LTBR: variants seen among roughly 807,000 people sequenced by gnomAD.
The protein encoded by LTBR is lymphotoxin beta receptor, also known as tumor necrosis factor receptor superfamily member 3.
Under a neutral mutation model 45.4 loss-of-function variants are expected in LTBR, and 15 were observed. That is an observed-to-expected ratio of 0.33 (90% confidence interval 0.22 to 0.51). The LOEUF is 0.51. LTBR is among the 20% of genes least tolerant of loss of function. The probability of loss-of-function intolerance (pLI) is 0.97; values close to 1 mark genes in which losing one functional copy is unlikely to be tolerated. For synonymous variants in LTBR, 228 were observed against 231.0 expected (o/e 0.99, Z 0.12); for missense variants, 450 against 565.5 (o/e 0.80, Z 2.07).
upstream of LTBR, among the ~76,000 whole-genome samples, chr12:6,383,738 G>A (rs879742232): frequency 4.3e-4 from 66 of 152,346 alleles, no homozygotes; most frequent in Non-Finnish European, 7.2e-4. Flanking sequence ...GGAGGAACCC[G>A]GGCATCTGCC....
rs763066533 is a variant in LTBR, at chr12:6,388,498, G to A, written c.768G>A (p.Arg256=). 6 of 1,613,810 alleles carry A rather than the reference G, an allele frequency of 3.7e-6. No individual in the cohort carries two copies. In the Admixed American group the frequency reaches 6.7e-5, roughly 18 times the overall value. ...GGAAGAGCCACCCTTCTCTCTGCAG[G>A]AAACTGGGTAGGAAAGGGTTGGATG... ...CIWKSHPSLC[R]KLGSLLKRRP... Residue 256 remains arginine (R), a synonymous_variant, in exon 7 of 10, where the codon AGG becomes AGA. Transcript: ENST00000228918. This position sits in a 1 kb window ranked among gnomAD's most constrained non-coding sequence, Gnocchi z 4.3.
At chr12:6,376,216 C>G in intron 1 of LTBR, 2 of 982,882 alleles carry the variant, frequency 2.0e-6, no homozygotes, top group Non-Finnish European at 2.4e-6. Flanking sequence ...GCGTCTGCCT[C>G]CTCCTGGTCC....
chr12:6,384,249 C>T lies in LTBR; in HGVS notation c.-110C>T, dbSNP rs1282525338. 1.0e-5 allele frequency: 14 copies of T among 1,404,160 alleles called. No homozygotes were observed. Among genetic ancestry groups the T allele is most frequent in the Non-Finnish European group, 1.3e-5 (14 of 1,084,750 alleles). The allele number at this position is 1,404,160 out of a possible 1,614,324, so 87.0% of individuals were successfully genotyped here. A position where few individuals can be genotyped will look rare whatever the true frequency, so the allele number is the denominator to read the frequency against. On this transcript the variant is annotated 5_prime_UTR_variant, in exon 1 of 10. Transcript: ENST00000228918. ...TGGGGTGCACATCGGCCCTGAGTCC[C>T]GTCCCAGGCTCTGGGCTCGGGCAGC...
At chr12:6,375,661 T>G in intron 1 of LTBR, 1 of 1,471,012 alleles carries the variant, frequency 6.8e-7, no homozygotes, top group Non-Finnish European at 9.0e-7. Context: ...GAAGGAGGGC[T>G]CCCGAGGGCA....
At chr12:6,389,877 T>C in intron 8 of LTBR, 1 of 495,152 alleles carries the variant, frequency 2.0e-6, no homozygotes, top group Non-Finnish European at 3.6e-6. Context: ...ATCACTTGAG[T>C]CCAAGAGTTC....
intron 1 of LTBR, chr12:6,375,890 G>T: frequency 7.9e-7 from 1 of 1,266,052 alleles, no homozygotes; most frequent in Non-Finnish European, 9.9e-7. Context: ...AGGGCAGAAA[G>T]AGGGAGACAA....
upstream of LTBR, among the ~76,000 whole-genome samples, chr12:6,383,222 C>T (rs973107036): frequency 6.6e-6 from 1 of 152,018 alleles, no homozygotes; most frequent in Admixed American, 6.6e-5. Context: ...AAGACGGAAA[C>T]TTGGGGACCA....
chr12:6,384,045 G>T (rs1458630771), upstream of LTBR: 37 of 1,193,222 alleles, frequency 3.1e-5, no homozygotes, highest in Non-Finnish European at 3.8e-5. Flanking sequence ...TTTCCCGGCC[G>T]CCCCTCCCGC....
chr12:6,389,995 G>A, intron 8 of LTBR, 117 bp from the exon 9 acceptor site: 1 of 725,500 alleles, frequency 1.4e-6, no homozygotes, highest in Non-Finnish European at 2.4e-6. Context: ...GAGAGAGAGA[G>A]AGAAAGGAAG....
chr12:6,384,356 GC>G lies in LTBR; in HGVS notation c.-1del. On this transcript the variant is annotated 5_prime_UTR_variant, in exon 1 of 10. Coordinates refer to ENST00000228918, the MANE Select transcript of LTBR (RefSeq NM_002342.3). ...TTGCTGGCCGCCTGGCCGAGTGGCC[GC>G]CATGCTCCTGCCTTGGGCCACCTCT... The G allele has an allele frequency of 6.7e-7, 1 of 1,500,110 alleles. No individual in the cohort carries two copies. The highest frequency in any genetic ancestry group is 8.9e-7 in the Non-Finnish European group (1 of 1,129,206). The allele number at this position is 1,500,110 out of a possible 1,614,324, so 92.9% of individuals were successfully genotyped here. A position where few individuals can be genotyped will look rare whatever the true frequency, so the allele number is the denominator to read the frequency against.
Position 6,388,961 on chromosome 12 carries a change from A to G in LTBR, c.801+136A>G. The G allele has an allele frequency of 9.1e-7, 1 of 1,099,102 alleles. No homozygotes were observed. The highest frequency in any genetic ancestry group is 1.4e-6 in the Non-Finnish European group (1 of 737,256). The allele number at this position is 1,099,102 out of a possible 1,614,324, so 68.1% of individuals were successfully genotyped here. ...CAACTGATGATTTACTGAACATGCC[A>G]CGTACCAGGCACTGTCCTAGGCACT... On this transcript the variant is annotated intron_variant, in intron 8 of 9. Coordinates refer to ENST00000228918, the MANE Select transcript of LTBR (RefSeq NM_002342.3). The surrounding 1 kb of genome is among the most constrained non-coding windows in gnomAD (Gnocchi z 4.3).
chr12:6,375,563 C>T (rs72645136), exon 1 of LTBR: 45 of 1,534,084 alleles, frequency 2.9e-5, no homozygotes, highest in Middle Eastern at 3.3e-4. Context: ...GGGATGGAAG[C>T]GACAGGAATC....
chr12:6,377,209 A>G lies in LTBR; in HGVS notation c.39+1615A>G. 2.0e-6 allele frequency: 3 copies of G among 1,528,520 alleles called. No homozygotes were observed. The South Asian group carries it at 3.6e-5, about 19-fold the overall frequency. 94.7% of individuals were successfully genotyped at this position (1,528,520 alleles called of 1,614,324 possible). On this transcript the variant is annotated intron_variant, in intron 1 of 9. Transcript: ENST00000539925. The stretch of plus-strand genomic sequence containing the variant: ...GTCTCTTGCGACTTCTTAAAGTGAA[A>G]GCCGGTGTCAACCAGGATTCCAAAC...
Position 6,388,966 on chromosome 12 carries a change from C to T in LTBR, c.801+141C>T. The T allele has an allele frequency of 9.6e-7, 1 of 1,039,534 alleles. No individual in the cohort carries two copies. The highest frequency in any genetic ancestry group is 1.5e-6 in the Non-Finnish European group (1 of 686,302). The allele number at this position is 1,039,534 out of a possible 1,614,324, so 64.4% of individuals were successfully genotyped here. ...GATGATTTACTGAACATGCCACGTA[C>T]CAGGCACTGTCCTAGGCACTGGGCG... On this transcript the variant is annotated intron_variant, in intron 8 of 9. Transcript: ENST00000228918. The surrounding 1 kb of genome is among the most constrained non-coding windows in gnomAD (Gnocchi z 4.3).
rs922266161 is a variant in LTBR at position 6,385,354 on chromosome 12, G to A, written c.447G>A (p.Pro149=). 3 of 1,613,992 alleles carry A rather than the reference G, an allele frequency of 1.9e-6. No individual in the cohort carries two copies. The highest frequency in any genetic ancestry group is 1.7e-5 in the Admixed American group (1 of 60,002). ...CTHCELLSDC[P]PGTEAELKDE... is the part of the protein sequence containing the mutation. The stretch of plus-strand genomic sequence containing the variant: ...ACTGCGAGCTACTTTCTGACTGCCC[G>A]CCTGGCACTGAAGCCGAGCTCAAAG... The change falls in exon 4 of 10, where the codon CCG becomes CCA. Residue 149 remains proline (P), a synonymous_variant. Transcript: ENST00000228918.
At position 6,386,368 on chromosome 12, in the gene LTBR, G is replaced by A; in HGVS notation, c.591G>A (p.Val197=). 1 of 1,613,864 alleles carries A rather than the reference G, an allele frequency of 6.2e-7. No homozygotes were observed. The highest frequency in any genetic ancestry group is 8.5e-7 in the Non-Finnish European group (1 of 1,179,896). The change falls in exon 6 of 10, where the codon GTG becomes GTA. Residue 197 remains valine, a synonymous_variant. Transcript: ENST00000228918. The surrounding 1 kb of genome is among the most constrained non-coding windows in gnomAD (Gnocchi z 4.1). ...PHTRCENQGL[V]EAAPGTAQSD... is the part of the protein sequence containing the mutation. The stretch of plus-strand genomic sequence containing the variant: ...GCAGGTGTGAGAACCAAGGTCTGGT[G>A]GAGGCAGCTCCAGGCACTGCCCAGT...
At chr12:6,383,799 C>G (rs907252851), upstream of LTBR, among the ~76,000 whole-genome samples, 1 of 152,226 alleles carries the variant, frequency 6.6e-6, no homozygotes, top group Admixed American at 6.5e-5. Flanking sequence ...GCAGTCCCCG[C>G]GCCCTGCCCT....
intron 6 of LTBR, chr12:6,387,917 G>A (rs1440824600): frequency 2.2e-6 from 1 of 447,004 alleles, no homozygotes. Flanking sequence ...ACAGGTACAG[G>A]TACAGCAGGG....
upstream of LTBR, among the ~76,000 whole-genome samples, chr12:6,380,794 C>G (rs1007834483): frequency 3.9e-5 from 6 of 152,168 alleles, no homozygotes; most frequent in Non-Finnish European, 8.8e-5. Flanking sequence ...CTCAGCAGCT[C>G]CTTCGGAAGA....
Sources: gnomAD v4.1 joint callset for allele counts (sites outside exome capture counted in the v4.1 genomes callset) on GRCh38, gnomAD v4.1.1 for gene constraint, Gnocchi (gnomAD v3.1) non-coding constraint, MANE v1.5 for transcripts, NCBI Gene and HGNC (gene_info 2026-07-23, HGNC 2026-07-21) for gene names.